Variants in SCN7A observed in about 807,000 individuals in gnomAD.
SCN7A encodes sodium voltage-gated channel alpha subunit 7, also known as sodium channel protein type 7 subunit alpha.
Under a neutral mutation model 155.2 loss-of-function variants are expected in SCN7A, and 138 were observed. That is an observed-to-expected ratio of 0.89 (90% CI 0.77 to 1.02). The LOEUF is 1.02. SCN7A is among the 50% of genes least tolerant of loss of function. SCN7A has a pLI of 0.00. For missense variants in SCN7A, 2,058 were observed against 1,986.6 expected, an observed-to-expected ratio of 1.04 and a Z score of -0.68; for synonymous variants, 693 against 649.0, an observed-to-expected ratio of 1.07 and a Z score of -1.03.
intron 20 of SCN7A, among the ~76,000 whole-genome samples, chr2:166,417,650 T>A (rs1701409458): frequency 6.6e-6 from 1 of 151,268 alleles, no homozygotes; most frequent in African/African-American, 2.4e-5. Context: ...GAAATGATCA[T>A]TCAAGATAAC....
At chr2:166,438,622 T>G (rs1369167367) in intron 15 of SCN7A, among the ~76,000 whole-genome samples, 1 of 152,180 alleles carries the variant, frequency 6.6e-6, no homozygotes, top group Non-Finnish European at 1.5e-5. Flanking sequence ...AAGACAAAAT[T>G]AATTTTTTAA....
intron 21 of SCN7A, among the ~76,000 whole-genome samples, chr2:166,413,549 G>T (rs1394057592): frequency 6.6e-6 from 1 of 151,994 alleles, no homozygotes; most frequent in East Asian, 1.9e-4. Flanking sequence ...AGTGACTTGG[G>T]TTGAACTAAA....
chr2:166,420,002 T>C (rs1559092964), intron 20 of SCN7A, among the ~76,000 whole-genome samples: 1 of 152,090 alleles, frequency 6.6e-6, no homozygotes. Context: ...ACGATACATT[T>C]GTATGAATTA....
rs547689729 is a variant in SCN7A, at chr2:166,461,086, A to G, written c.1083+1303T>C. 3.8e-5 allele frequency among the ~76,000 whole-genome samples: 5 copies of G among 132,400 alleles called. No individual in the cohort carries two copies. In the East Asian group the frequency reaches 8.8e-4, roughly 23 times the overall value. The allele number at this position is 132,400 out of a possible 152,430, so 86.9% of individuals were successfully genotyped here. On this transcript the variant is annotated intron_variant, in intron 10 of 25. Transcript: ENST00000643258. The stretch of plus-strand genomic sequence containing the variant: ...TTTTTTTTTTTTTACCAAAAATACA[A>G]TTATGCTGCATGCATGTTTGGTCTA...
chr2:166,446,372 A>G (rs1702062848), intron 12 of SCN7A, among the ~76,000 whole-genome samples: 1 of 152,212 alleles, frequency 6.6e-6, no homozygotes, highest in Non-Finnish European at 1.5e-5. Context: ...AGGAAACAAC[A>G]GATGCAGGCA....
At chr2:166,452,263 T>C (rs1702190367) in intron 11 of SCN7A, among the ~76,000 whole-genome samples, 2 of 151,950 alleles carry the variant, frequency 1.3e-5, no homozygotes, top group Admixed American at 1.3e-4. Context: ...CATTTCAGTG[T>C]AATTTAATGT....
At chr2:166,433,384 A>G (rs946278791) in intron 15 of SCN7A, among the ~76,000 whole-genome samples, 3 of 152,166 alleles carry the variant, frequency 2.0e-5, no homozygotes. Context: ...AAAATGAAGC[A>G]TATGAACTAC....
intron 8 of SCN7A, 51 bp downstream of exon 8, chr2:166,465,730 G>C: frequency 6.4e-7 from 1 of 1,567,022 alleles, no homozygotes; most frequent in Non-Finnish European, 8.8e-7. Flanking sequence ...AGACTGCTTT[G>C]CCTTTAACGA....
chr2:166,473,735 A>C (rs947205486), intron 5 of SCN7A, 64 bp downstream of exon 5: 3 of 392,516 alleles, frequency 7.6e-6, no homozygotes, highest in Non-Finnish European at 1.3e-5. Flanking sequence ...TTAAAATAAA[A>C]TGTAAAATAT....
intron 15 of SCN7A, among the ~76,000 whole-genome samples, chr2:166,435,372 G>A (rs1202879899): frequency 6.6e-6 from 1 of 152,024 alleles, no homozygotes; most frequent in Non-Finnish European, 1.5e-5. Flanking sequence ...CTTTATTCTA[G>A]TCACAGAATC....
rs1390158377 is a variant in SCN7A, at chr2:166,414,023, AAT to A, written c.3415-904_3415-903del. ...TATATAAATATACTATATATATGTA[AAT>A]ATATATAAATATATTTATATATGTA... On this transcript the variant is annotated intron_variant, in intron 21 of 25. Transcript: ENST00000643258. Among the ~76,000 whole-genome samples, 6 of 60,724 alleles carry A rather than the reference AAT, an allele frequency of 9.9e-5. No individual in the cohort carries two copies. In the Admixed American group the frequency reaches 1.4e-3, roughly 14 times the overall value. The allele number at this position is 60,724 out of a possible 152,430, so 39.8% of individuals were successfully genotyped here. A position where few individuals can be genotyped will look rare whatever the true frequency, so the allele number is the denominator to read the frequency against.
At chr2:166,428,965 A>G (rs993904493) in intron 17 of SCN7A, among the ~76,000 whole-genome samples, 5 of 152,068 alleles carry the variant, frequency 3.3e-5, no homozygotes, top group Admixed American at 2.6e-4. Flanking sequence ...AAATAGGGCC[A>G]ATATTTAAGT....
chr2:166,493,029 A>G (rs1161326429), intron 1 of SCN7A, among the ~76,000 whole-genome samples: 3 of 152,298 alleles, frequency 2.0e-5, no homozygotes, highest in South Asian at 2.1e-4. Context: ...TATAGGTCTT[A>G]CTTGTAAAAA....
chr2:166,440,336 A>T (rs1210342234), intron 15 of SCN7A, among the ~76,000 whole-genome samples: 1 of 152,198 alleles, frequency 6.6e-6, no homozygotes. Flanking sequence ...TGTTACATTT[A>T]AGTGCTTCTT....
chr2:166,465,239 C>G (rs1702503232), intron 9 of SCN7A, among the ~76,000 whole-genome samples: 1 of 152,180 alleles, frequency 6.6e-6, no homozygotes. Flanking sequence ...GACTTCTCAG[C>G]TTCCCCGACT....
In SCN7A at chr2:166,432,563, C is replaced by T. The variant is rs1701755557; in HGVS notation, c.2347G>A (p.Glu783Lys). The T allele has an allele frequency of 1.2e-6, 2 of 1,613,292 alleles. No homozygotes were observed. Among genetic ancestry groups the T allele is most frequent in the African/African-American group, 2.7e-5 (2 of 74,870 alleles). ...GAAATATCTTCTTTAACATATACCT[C>T]ATTTACATGGTCCATTGTGTCCTTT... The part of the protein sequence containing the change: ...VPKDTMDHVN[E>K]VYVKEDISDH... Residue 783 changes from glutamate (E) to lysine (K), a missense_variant, in exon 16 of 26, where the codon GAG becomes AAG. Coordinates refer to ENST00000643258, the MANE Select transcript of SCN7A (RefSeq NM_002976.4).
chr2:166,432,043 A>G (rs1701742113), intron 16 of SCN7A, among the ~76,000 whole-genome samples: 1 of 151,900 alleles, frequency 6.6e-6, no homozygotes, highest in African/African-American at 2.4e-5. Context: ...CTAAGTGCTT[A>G]CTCTTTACTA....
intron 25 of SCN7A, among the ~76,000 whole-genome samples, chr2:166,407,032 A>T (rs1228736581): frequency 6.6e-6 from 1 of 152,182 alleles, no homozygotes; most frequent in Non-Finnish European, 1.5e-5. Flanking sequence ...CAATAAATAT[A>T]TCACACCAAT....
chr2:166,421,098 A>C (rs1701500799), intron 20 of SCN7A, 92 bp downstream of exon 20: 1 of 784,510 alleles, frequency 1.3e-6, no homozygotes, highest in Non-Finnish European at 2.0e-6. Context: ...TGTTAAAGGT[A>C]CAAACGAGAA....
Sources: allele counts gnomAD v4.1 joint callset (sites outside exome capture counted in the v4.1 genomes callset), GRCh38; gene constraint gnomAD v4.1.1; transcripts MANE v1.5; gene names NCBI Gene and HGNC (gene_info 2026-07-23, HGNC 2026-07-21).